TOP1: variants seen among roughly 807,000 people sequenced by gnomAD.
TOP1 encodes the protein DNA topoisomerase I, also known as DNA topoisomerase 1.
TOP1 carries 10 observed loss-of-function variants against 111.1 expected under a neutral mutation model. That is an observed-to-expected ratio of 0.09 (90% CI 0.06 to 0.15). TOP1 has a LOEUF of 0.15. TOP1 is among the 10% of genes least tolerant of loss of function. The pLI, the probability that TOP1 is intolerant of heterozygous loss-of-function variation, is 1.00. For synonymous variants in TOP1, 271 were observed against 302.9 expected (o/e 0.89, Z 1.10); for missense variants, 474 against 926.7 (o/e 0.51, Z 6.34).
rs1266736156 is a variant in TOP1 at position 41,069,805 on chromosome 20, T to A, written c.156-6366T>A. ...TCCCTATCATAGTACGCCATAATCA[T>A]TGTTTTTAAGATTTCATGGTGGAGA... On this transcript the variant is annotated intron_variant, in intron 3 of 20. Coordinates refer to ENST00000361337, the MANE Select transcript of TOP1 (RefSeq NM_003286.4). This position sits in a 1 kb window ranked among gnomAD's most constrained non-coding sequence, Gnocchi z 4.1. Among the ~76,000 whole-genome samples, 1 of 152,194 alleles carries A rather than the reference T, an allele frequency of 6.6e-6. No individual in the cohort carries two copies. Among genetic ancestry groups the A allele is most frequent in the African/African-American group, 2.4e-5 (1 of 41,458 alleles).
In TOP1 at chr20:41,078,038, CTTCATA is replaced by C. The variant is rs1309194975; in HGVS notation, c.335+406_335+411del. Among the ~76,000 whole-genome samples, 1 of 145,578 alleles carries C rather than the reference CTTCATA, an allele frequency of 6.9e-6. No homozygotes were observed. Among genetic ancestry groups the C allele is most frequent in the Non-Finnish European group, 1.5e-5 (1 of 67,054 alleles). On this transcript the variant is annotated intron_variant, in intron 5 of 20. Transcript: ENST00000361337. The surrounding 1 kb of genome is among the most constrained non-coding windows in gnomAD (Gnocchi z 5.3). ...ACATTTTCATTTCTCTAAAAAGAAA[CTTCATA>C]TTCAGTAGCGATTATGGAGTTTTCT...
chr20:41,055,328 A>G (rs551983949), intron 2 of TOP1, among the ~76,000 whole-genome samples: 90 of 152,346 alleles, frequency 5.9e-4, no homozygotes, highest in Admixed American at 1.5e-3. Context: ...TCCTTCCTCT[A>G]AAACATTTTA....
chr20:41,098,431 C>T lies in TOP1; in HGVS notation c.975+94C>T. ...GGTTCTTATGACACAACATTAACAT[C>T]AGTAATTTCACATCATTCTATGCTA... is the stretch of plus-strand genomic sequence containing the variant. On this transcript the variant is annotated intron_variant, in intron 11 of 20. Transcript: ENST00000361337. The surrounding 1 kb of genome is among the most constrained non-coding windows in gnomAD (Gnocchi z 5.7). The T allele has an allele frequency of 7.5e-7, 1 of 1,332,658 alleles. No homozygotes were observed. Among genetic ancestry groups the T allele is most frequent in the Non-Finnish European group, 1.0e-6 (1 of 959,954 alleles). 82.6% of individuals were successfully genotyped at this position (1,332,658 alleles called of 1,614,324 possible).
At chr20:41,055,941 G>T (rs2033465138) in intron 2 of TOP1, among the ~76,000 whole-genome samples, 1 of 152,180 alleles carries the variant, frequency 6.6e-6, no homozygotes, top group Admixed American at 6.5e-5. Context: ...TGGAAAGGAA[G>T]AAGCTTAAAG....
chr20:41,033,249 G>A (rs1281563432), intron 2 of TOP1, among the ~76,000 whole-genome samples: 1 of 151,342 alleles, frequency 6.6e-6, no homozygotes, highest in Non-Finnish European at 1.5e-5. Flanking sequence ...TAGCAGTAAC[G>A]GTCACCAACT....
rs2033157688 is a variant in TOP1 at position 41,034,301 on chromosome 20, A to G, written c.58+4846A>G. Among the ~76,000 whole-genome samples the G allele has an allele frequency of 6.6e-6, 1 of 152,252 alleles. No individual in the cohort carries two copies. Among genetic ancestry groups the G allele is most frequent in the Admixed American group, 6.5e-5 (1 of 15,288 alleles). ...TTTTCTCCCTATTTCCATGCCTCAT[A>G]CATCTCAAGTTTGAGCAGCAGCTTT... On this transcript the variant is annotated intron_variant, in intron 2 of 20. Coordinates refer to ENST00000361337, the MANE Select transcript of TOP1 (RefSeq NM_003286.4). This position sits in a 1 kb window ranked among gnomAD's most constrained non-coding sequence, Gnocchi z 4.0.
chr20:41,094,209 T>C lies in TOP1; in HGVS notation c.730+1622T>C, dbSNP rs1176556690. Among the ~76,000 whole-genome samples the C allele has an allele frequency of 1.3e-5, 2 of 152,202 alleles. No individual in the cohort carries two copies. The highest frequency in any genetic ancestry group is 4.8e-5 in the African/African-American group (2 of 41,454). On this transcript the variant is annotated intron_variant, in intron 9 of 20. Transcript: ENST00000361337. The surrounding 1 kb of genome is among the most constrained non-coding windows in gnomAD (Gnocchi z 4.4). ...CTCCATAATCTCAGAGGCAAATGCTTATGTTATGTAAACATTTTGACCTGT... is the reference window on the plus strand; with the variant it reads ...CTCCATAATCTCAGAGGCAAATGCTCATGTTATGTAAACATTTTGACCTGT...
intron 2 of TOP1, among the ~76,000 whole-genome samples, chr20:41,037,563 C>T (rs1024699544): frequency 4.6e-5 from 7 of 152,058 alleles, no homozygotes; most frequent in African/African-American, 1.5e-4. Context: ...TATAATAAAG[C>T]TTATGTGTGA....
chr20:41,073,357 T>C, intron 3 of TOP1: 3 of 983,200 alleles, frequency 3.1e-6, no homozygotes, highest in Non-Finnish European at 3.6e-6. Flanking sequence ...CCATTTATAG[T>C]TTCATGGGAA....
Position 41,069,868 on chromosome 20 carries a change from T to C in TOP1, c.156-6303T>C, listed in dbSNP as rs1435604476. ...TAGCCATTCAAAGATGGTTAAAATT[T>C]TGCTAACGGAAAGTAATGGTTAGAA... On this transcript the variant is annotated intron_variant, in intron 3 of 20. Transcript: ENST00000361337. This position sits in a 1 kb window ranked among gnomAD's most constrained non-coding sequence, Gnocchi z 4.1. Among the ~76,000 whole-genome samples, 6 of 152,184 alleles carry C rather than the reference T, an allele frequency of 3.9e-5. No homozygotes were observed. Among genetic ancestry groups the C allele is most frequent in the Admixed American group, 1.3e-4 (2 of 15,276 alleles).
In TOP1 at chr20:41,098,074, A is replaced by G; in HGVS notation, c.853-141A>G. On this transcript the variant is annotated intron_variant, in intron 10 of 20. Coordinates refer to ENST00000361337, the MANE Select transcript of TOP1 (RefSeq NM_003286.4). The surrounding 1 kb of genome is among the most constrained non-coding windows in gnomAD (Gnocchi z 5.7). ...TACAACTGTATTTTTTTGTTTTTTC[A>G]AAATTCATTAATTGAGATTGGCTAC... 1.3e-6 allele frequency: 1 copy of G among 779,248 alleles called. No individual in the cohort carries two copies. Among genetic ancestry groups the G allele is most frequent in the Admixed American group, 2.9e-5 (1 of 34,948 alleles). 48.3% of individuals were successfully genotyped at this position (779,248 alleles called of 1,614,324 possible).
At chr20:41,119,250 A>G (rs1380633925) in intron 18 of TOP1, among the ~76,000 whole-genome samples, 1 of 152,242 alleles carries the variant, frequency 6.6e-6, no homozygotes, top group Non-Finnish European at 1.5e-5. Context: ...TCTATTGATG[A>G]TAAAGTCATA....
intron 8 of TOP1, among the ~76,000 whole-genome samples, chr20:41,087,296 G>A (rs1015182462): frequency 7.2e-5 from 11 of 152,196 alleles, no homozygotes; most frequent in Admixed American, 4.6e-4. Flanking sequence ...TATCCCAGAT[G>A]TCCTGATTTT....
At chr20:41,086,083 C>T (rs892600027) in intron 8 of TOP1, among the ~76,000 whole-genome samples, 11 of 151,966 alleles carry the variant, frequency 7.2e-5, no homozygotes, top group African/African-American at 2.4e-4. Context: ...GCCAACATGG[C>T]GAAACCTCAT....
rs16989526 is a variant in TOP1 at position 41,067,968 on chromosome 20, T to C, written c.155+6478T>C. Among the ~76,000 whole-genome samples, 1,196 of 152,352 alleles carry C rather than the reference T, an allele frequency of 7.9e-3. 11 individuals carry two copies. The highest frequency in any genetic ancestry group is 0.027 in the African/African-American group (1,133 of 41,588). Reference sequence around the variant, plus strand: ...GTGTGGACAGGAGTCTGAGGTCACATGCTCTAAGTCCCACAGTGATGTGGT... The same window carrying C: ...GTGTGGACAGGAGTCTGAGGTCACACGCTCTAAGTCCCACAGTGATGTGGT... On this transcript the variant is annotated intron_variant, in intron 3 of 20. Transcript: ENST00000361337. This position sits in a 1 kb window ranked among gnomAD's most constrained non-coding sequence, Gnocchi z 4.0.
intron 9 of TOP1, among the ~76,000 whole-genome samples, chr20:41,093,551 T>A (rs895017847): frequency 2.6e-5 from 4 of 152,076 alleles, no homozygotes; most frequent in Non-Finnish European, 5.9e-5. Context: ...GCCACTGTTA[T>A]TTCACCACCC....
chr20:41,122,555 G>A lies in TOP1; in HGVS notation c.2195+400G>A, dbSNP rs1446554753. 6.6e-6 allele frequency among the ~76,000 whole-genome samples: 1 copy of A among 152,220 alleles called. No individual in the cohort carries two copies. The highest frequency in any genetic ancestry group is 1.9e-4 in the East Asian group (1 of 5,198). ...GTTGAAGGTAGGAACAAGAGATAAA[G>A]ATGAGAATACAGATCTGAGCAACTT... is the stretch of plus-strand genomic sequence containing the variant. On this transcript the variant is annotated intron_variant, in intron 20 of 20. Coordinates refer to ENST00000361337, the MANE Select transcript of TOP1 (RefSeq NM_003286.4). This position sits in a 1 kb window ranked among gnomAD's most constrained non-coding sequence, Gnocchi z 5.4.
At position 41,100,172 on chromosome 20, in the gene TOP1, C is replaced by T. The variant is rs149325490; in HGVS notation, c.1092C>T (p.Arg364=). ...KIEPPGLFRG[R]GNHPKMGMLK... ...AGCCTCCTGGACTTTTCCGTGGCCG[C>T]GGCAACCACCCCAAGATGGGCATGC... Residue 364 remains arginine, a synonymous_variant, in exon 12 of 21, where the codon CGC becomes CGT. Coordinates refer to ENST00000361337, the MANE Select transcript of TOP1 (RefSeq NM_003286.4). This position sits in a 1 kb window ranked among gnomAD's most constrained non-coding sequence, Gnocchi z 4.4. The T allele has an allele frequency of 4.3e-6, 7 of 1,613,878 alleles. No homozygotes were observed. Among genetic ancestry groups the T allele is most frequent in the African/African-American group, 2.7e-5 (2 of 74,918 alleles).
intron 13 of TOP1, among the ~76,000 whole-genome samples, chr20:41,105,429 T>C (rs548126997): frequency 2.6e-5 from 4 of 152,354 alleles, no homozygotes; most frequent in East Asian, 1.9e-4. Flanking sequence ...ACCTACACTT[T>C]TAATTAATCC....
Sources: gnomAD v4.1 joint callset for allele counts (sites outside exome capture counted in the v4.1 genomes callset) on GRCh38, gnomAD v4.1.1 for gene constraint, Gnocchi (gnomAD v3.1) non-coding constraint, MANE v1.5 for transcripts, NCBI Gene and HGNC (gene_info 2026-07-23, HGNC 2026-07-21) for gene names.